Variants in ZNF773 observed in about 807,000 individuals in gnomAD.
ZNF773 encodes zinc finger protein 419B.
Under a neutral mutation model 12.8 loss-of-function variants are expected in ZNF773, and 11 were observed. The ratio of observed to expected loss-of-function variants is 0.86; its 90% CI spans 0.54 to 1.42. The LOEUF is 1.42. Among genes scored for constraint, ZNF773 ranks in the 40% most tolerant of loss-of-function variants. ZNF773 has a pLI of 0.00. For missense variants in ZNF773, 518 were observed against 527.2 expected, an observed-to-expected ratio of 0.98 and a Z score of 0.17; for synonymous variants, 175 against 178.4, an observed-to-expected ratio of 0.98 and a Z score of 0.15.
intron 2 of ZNF773, 116 bp downstream of exon 2, chr19:57,504,902 G>T: frequency 1.5e-6 from 2 of 1,330,766 alleles, no homozygotes. Context: ...TCCTTCTCCA[G>T]TATCCTGAAG....
chr19:57,506,289 C>CA lies in ZNF773; in HGVS notation c.263-68dup, dbSNP rs1342645334. The CA allele has an allele frequency of 7.2e-6, 11 of 1,537,672 alleles. No individual in the cohort carries two copies. In the African/African-American group the frequency reaches 1.4e-4, roughly 20 times the overall value. The stretch of plus-strand genomic sequence containing the variant: ...CACGCTAATTACCAGGTGTGTCAGA[C>CA]ACGTGTGAGAGTGCTGCCTTCTCAC... On this transcript the variant is annotated intron_variant, in intron 3 of 3. Transcript: ENST00000282292.
chr19:57,508,666 T>C, downstream of ZNF773: 1 of 635,336 alleles, frequency 1.6e-6, no homozygotes, highest in Non-Finnish European at 2.8e-6. Flanking sequence ...ATTTTCCATT[T>C]CTTCATATTA....
downstream of ZNF773, chr19:57,508,701 C>A: frequency 1.8e-6 from 1 of 564,356 alleles, no homozygotes; most frequent in South Asian, 2.4e-5. Flanking sequence ...GTATGGAAGT[C>A]ATAGGCCATT....
chr19:57,508,030 A>T lies in ZNF773; in HGVS notation c.*606A>T. ...GTGGCAGGCAACTGTAGTCCCAGCT[A>T]CTTGGGGGGCTGAGGCAGGAGATTT... On this transcript the variant is annotated 3_prime_UTR_variant, in exon 4 of 4. Transcript: ENST00000282292. 3.4e-6 allele frequency: 1 copy of T among 293,236 alleles called. No individual in the cohort carries two copies. The highest frequency in any genetic ancestry group is 5.0e-6 in the Non-Finnish European group (1 of 198,254). 18.2% of individuals were successfully genotyped at this position (293,236 alleles called of 1,614,324 possible).
At chr19:57,512,400 ATTTTTTTTTTTT>A (rs747914066), downstream of ZNF773, among the ~76,000 whole-genome samples, 1 of 113,298 alleles carries the variant, frequency 8.8e-6, no homozygotes, top group African/African-American at 3.4e-5. Flanking sequence ...AAGATGCAGT[ATTTTTTTTTTTT>A]TTTTTTTTTT....
chr19:57,505,660 TG>T (rs543455905), intron 3 of ZNF773, among the ~76,000 whole-genome samples: 263 of 151,236 alleles, frequency 1.7e-3, no homozygotes, highest in African/African-American at 3.6e-3. Context: ...TGTGGTGAGG[TG>T]GGGCGCTTAT....
intron 1 of ZNF773, among the ~76,000 whole-genome samples, chr19:57,504,406 G>A (rs1253145946): frequency 1.3e-5 from 2 of 152,142 alleles, no homozygotes; most frequent in African/African-American, 2.4e-5. Flanking sequence ...GGGATCCAAG[G>A]TGAGTTGTCT....
At chr19:57,512,888 T>C, downstream of ZNF773, 1 of 965,886 alleles carries the variant, frequency 1.0e-6, no homozygotes, top group Non-Finnish European at 1.4e-6. Flanking sequence ...TTCCTCTCTG[T>C]GGATTCTACC....
At chr19:57,509,556 G>A (rs1179768620), downstream of ZNF773, among the ~76,000 whole-genome samples, 1 of 152,224 alleles carries the variant, frequency 6.6e-6, no homozygotes, top group Non-Finnish European at 1.5e-5. Context: ...GTAAAGAGAT[G>A]CTCACAGAAT....
chr19:57,512,776 G>C (rs1415969105), downstream of ZNF773, among the ~76,000 whole-genome samples: 2 of 152,156 alleles, frequency 1.3e-5, no homozygotes, highest in African/African-American at 4.8e-5. Flanking sequence ...CCCAGGTGCA[G>C]TGTTCCTTGT....
chr19:57,507,655 G>A lies in ZNF773; in HGVS notation c.*231G>A. 1 of 1,339,900 alleles carries A rather than the reference G, an allele frequency of 7.5e-7. No individual in the cohort carries two copies. The highest frequency in any genetic ancestry group is 9.5e-7 in the Non-Finnish European group (1 of 1,053,026). The allele number at this position is 1,339,900 out of a possible 1,614,324, so 83.0% of individuals were successfully genotyped here. A position where few individuals can be genotyped will look rare whatever the true frequency, so the allele number is the denominator to read the frequency against. Reference sequence around the variant, plus strand: ...TTAGACTGGAGAAAGGCCTTAGACTGTCGCTGAATCAATATGACCTGACTT... The same window carrying A: ...TTAGACTGGAGAAAGGCCTTAGACTATCGCTGAATCAATATGACCTGACTT... On this transcript the variant is annotated 3_prime_UTR_variant, in exon 4 of 4. Coordinates refer to ENST00000282292, the MANE Select transcript of ZNF773 (RefSeq NM_198542.3).
At position 57,500,029 on chromosome 19, in the gene ZNF773, C is replaced by T; in HGVS notation, c.-52C>T. ...GGGTCTGAGGCTCGGTGGCGGCGCCCAGGGTGGCCCGGGCCCTTTCCTCGG... is the reference window on the plus strand; with the variant it reads ...GGGTCTGAGGCTCGGTGGCGGCGCCTAGGGTGGCCCGGGCCCTTTCCTCGG... On this transcript the variant is annotated 5_prime_UTR_variant, in exon 1 of 4. Coordinates refer to ENST00000282292, the MANE Select transcript of ZNF773 (RefSeq NM_198542.3). 1 of 1,541,820 alleles carries T rather than the reference C, an allele frequency of 6.5e-7. No individual in the cohort carries two copies. Among genetic ancestry groups the T allele is most frequent in the Non-Finnish European group, 8.7e-7 (1 of 1,144,796 alleles).
At chr19:57,504,860 G>A in intron 2 of ZNF773, 74 bp downstream of exon 2, 1 of 1,564,766 alleles carries the variant, frequency 6.4e-7, no homozygotes, top group Non-Finnish European at 8.8e-7. Context: ...GGAGAGGTCT[G>A]TTCTTCCCAA....
intron 1 of ZNF773, 122 bp from the exon 2 acceptor site, chr19:57,504,535 G>A (rs530728765): frequency 6.9e-7 from 1 of 1,439,850 alleles, no homozygotes; most frequent in South Asian, 1.3e-5. Flanking sequence ...AGTGGTTCTG[G>A]GGCAGGGTCT....
At chr19:57,502,847 C>A (rs1385242159) in intron 1 of ZNF773, among the ~76,000 whole-genome samples, 2 of 152,180 alleles carry the variant, frequency 1.3e-5, no homozygotes, top group Non-Finnish European at 2.9e-5. Flanking sequence ...CCTGCCACCA[C>A]GCCCAGATAA....
intron 1 of ZNF773, among the ~76,000 whole-genome samples, chr19:57,502,842 C>G (rs2089685409): frequency 6.6e-6 from 1 of 152,120 alleles, no homozygotes; most frequent in African/African-American, 2.4e-5. Flanking sequence ...AGGCACCTGC[C>G]ACCACGCCCA....
At chr19:57,512,764 A>G (rs921653075), downstream of ZNF773, among the ~76,000 whole-genome samples, 2 of 152,134 alleles carry the variant, frequency 1.3e-5, no homozygotes, top group Non-Finnish European at 2.9e-5. Context: ...GGGCAGTCAC[A>G]CCCCAGGTGC....
At chr19:57,509,794 G>T (rs1455397231), downstream of ZNF773, among the ~76,000 whole-genome samples, 1 of 152,188 alleles carries the variant, frequency 6.6e-6, no homozygotes, top group East Asian at 1.9e-4. Context: ...CTTTGTGGTT[G>T]TAGGACTGAG....
intron 1 of ZNF773, among the ~76,000 whole-genome samples, chr19:57,501,903 TCATA>T (rs1309772895): frequency 6.6e-6 from 1 of 152,164 alleles, no homozygotes; most frequent in African/African-American, 2.4e-5. Flanking sequence ...TGCAAAATGG[TCATA>T]CAGTCAGGGT....
Sources: allele counts gnomAD v4.1 joint callset (sites outside exome capture counted in the v4.1 genomes callset), GRCh38; gene constraint gnomAD v4.1.1; transcripts MANE v1.5; gene names NCBI Gene and HGNC (gene_info 2026-07-23, HGNC 2026-07-21).